The following ZNF723 variants were observed in gnomAD, a reference collection of about 807,000 sequenced individuals.
ZNF723 encodes zinc finger protein 723.
A neutral mutation model predicts 9.4 loss-of-function variants in ZNF723; 5 were observed. That is an observed-to-expected ratio of 0.53 (90% CI 0.28 to 1.12). The LOEUF (loss-of-function observed/expected upper bound fraction) is 1.12. ZNF723 is among the 50% of genes most tolerant of loss of function. The pLI, the probability that ZNF723 is intolerant of heterozygous loss-of-function variation, is 0.10. For synonymous variants in ZNF723, 158 were observed against 168.8 expected (o/e 0.94, Z 0.49); for missense variants, 450 against 501.5 (o/e 0.90, Z 0.98).
chr19:22,833,901 C>T lies in ZNF723; in HGVS notation c.3+1519C>T, dbSNP rs1967129918. ...GATTACAGGCGTGAGACACCGCGCC[C>T]GGCCGCTATTTGTTTTTTAGCGTAC... On this transcript the variant is annotated intron_variant, in intron 1 of 3. Coordinates refer to ENST00000600766, the MANE Select transcript of ZNF723 (RefSeq NM_001349726.2). 3.3e-5 allele frequency among the ~76,000 whole-genome samples: 5 copies of T among 150,390 alleles called. No individual in the cohort carries two copies. In the South Asian group the frequency reaches 1.1e-3, roughly 32 times the overall value.
intron 1 of ZNF723, among the ~76,000 whole-genome samples, chr19:22,835,109 A>G (rs1466016811): frequency 7.0e-6 from 1 of 143,174 alleles, no homozygotes; most frequent in Non-Finnish European, 1.5e-5. Context: ...CTTGTCACCC[A>G]GGCTTACTGT....
chr19:22,833,106 G>A (rs1156249142), intron 1 of ZNF723, among the ~76,000 whole-genome samples: 4 of 151,972 alleles, frequency 2.6e-5, no homozygotes, highest in African/African-American at 9.7e-5. Flanking sequence ...TAGGAATCCA[G>A]AGAGTAGATT....
Position 22,858,328 on chromosome 19 carries a change from GC to G in ZNF723, c.1439del (p.Pro480LeufsTer22), listed in dbSNP as rs1967514580. ...KHKIIHAREKPYKCEECGKAF... is the reference protein window; with the variant it reads ...KHKIIHAREKXYKCEECGKAF... Reference sequence around the variant, plus strand: ...ATAAGATAATTCATGCTAGAGAGAAGCCTTACAAATGTGAAGAATGTGGCAA... The same window carrying G: ...ATAAGATAATTCATGCTAGAGAGAAGCTTACAAATGTGAAGAATGTGGCAA... On this transcript the variant is annotated frameshift_variant, in exon 4 of 4. Transcript: ENST00000600766. LOFTEE classifies it low-confidence loss of function (END_TRUNC). 2 of 1,046,800 alleles carry G rather than the reference GC, an allele frequency of 1.9e-6. No individual in the cohort carries two copies. The highest frequency in any genetic ancestry group is 1.9e-5 in the Admixed American group (1 of 51,562). The allele number at this position is 1,046,800 out of a possible 1,614,324, so 64.8% of individuals were successfully genotyped here.
At chr19:22,824,139 C>A in the ZNF723 span, among the ~76,000 whole-genome samples, 1 of 152,124 alleles carries the variant, frequency 6.6e-6, no homozygotes, top group Non-Finnish European at 1.5e-5. Flanking sequence ...CCCTGCTAAC[C>A]GTGGGAATTA....
the ZNF723 span, among the ~76,000 whole-genome samples, chr19:22,815,381 C>T: frequency 3.9e-5 from 6 of 152,248 alleles, no homozygotes; most frequent in Non-Finnish European, 8.8e-5. Flanking sequence ...TCTGTCCTGC[C>T]AAGGCTGTGC....
At chr19:22,856,394 T>G (rs1305648627) in intron 3 of ZNF723, among the ~76,000 whole-genome samples, 1 of 152,248 alleles carries the variant, frequency 6.6e-6, no homozygotes, top group Non-Finnish European at 1.5e-5. Context: ...TCGTTGAGTA[T>G]TATTCAATTT....
At chr19:22,835,168 G>A (rs966709931) in intron 1 of ZNF723, among the ~76,000 whole-genome samples, 1 of 150,696 alleles carries the variant, frequency 6.6e-6, no homozygotes, top group East Asian at 2.0e-4. Context: ...AGCCTCCGGA[G>A]TAGCTGGGAT....
chr19:22,852,020 C>G (rs1035290662), intron 3 of ZNF723, among the ~76,000 whole-genome samples: 2 of 152,066 alleles, frequency 1.3e-5, no homozygotes, highest in Admixed American at 6.5e-5. Flanking sequence ...AACTCCCAAC[C>G]TCAGGTGATC....
chr19:22,848,471 G>A, intron 2 of ZNF723, 84 bp downstream of exon 2: 3 of 1,057,406 alleles, frequency 2.8e-6, no homozygotes, highest in Non-Finnish European at 4.1e-6. Flanking sequence ...GGTAATTGAT[G>A]CTTTGCATAA....
chr19:22,858,019 A>G lies in ZNF723; in HGVS notation c.1128A>G (p.Lys376=). ...EKPYKCEECG[K]AFKVSVHLTT... is the part of the protein sequence containing the mutation. The stretch of plus-strand genomic sequence containing the variant: ...CCTACAAATGTGAAGAATGTGGCAA[A>G]GCTTTTAAAGTATCTGTACACCTTA... Residue 376 remains lysine (K), a synonymous_variant, in exon 4 of 4, where the codon AAA becomes AAG. Coordinates refer to ENST00000600766, the MANE Select transcript of ZNF723 (RefSeq NM_001349726.2). 6.5e-7 allele frequency: 1 copy of G among 1,540,506 alleles called. No individual in the cohort carries two copies. The highest frequency in any genetic ancestry group is 9.0e-7 in the Non-Finnish European group (1 of 1,114,278).
chr19:22,827,948 C>T (rs413776), upstream of ZNF723, among the ~76,000 whole-genome samples: 29,868 of 151,860 alleles, frequency 0.2, 3,538 homozygotes, highest in African/African-American at 0.33. Context: ...GGTGTGGTGG[C>T]ACATGCCTGT....
intron 3 of ZNF723, among the ~76,000 whole-genome samples, chr19:22,853,528 T>A (rs970669432): frequency 6.6e-6 from 1 of 152,204 alleles, no homozygotes; most frequent in Admixed American, 6.5e-5. Context: ...TTTTATACCC[T>A]CATTCCATTT....
At chr19:22,825,547 C>T in the ZNF723 span, among the ~76,000 whole-genome samples, 14 of 152,338 alleles carry the variant, frequency 9.2e-5, no homozygotes, top group African/African-American at 3.4e-4. Flanking sequence ...GGGTGCTGCC[C>T]TCAAAGGAGA....
chr19:22,812,954 T>TTTTG, the ZNF723 span, among the ~76,000 whole-genome samples: 37,158 of 151,192 alleles, frequency 0.25, 4,813 homozygotes, highest in African/African-American at 0.36. Flanking sequence ...AAGGTGTTTT[T>TTTTG]TTTGTTTGTT....
At chr19:22,853,838 T>C (rs1967431350) in intron 3 of ZNF723, among the ~76,000 whole-genome samples, 1 of 152,120 alleles carries the variant, frequency 6.6e-6, no homozygotes, top group African/African-American at 2.4e-5. Context: ...GGTCTCGAGC[T>C]CCTAACCTCA....
chr19:22,829,992 CA>C (rs1382462595), upstream of ZNF723, among the ~76,000 whole-genome samples: 1 of 152,082 alleles, frequency 6.6e-6, no homozygotes, highest in Non-Finnish European at 1.5e-5. Context: ...ATCTGATTTG[CA>C]AATCATTTTT....
intron 1 of ZNF723, among the ~76,000 whole-genome samples, chr19:22,841,457 T>C (rs1443483978): frequency 6.6e-6 from 1 of 152,188 alleles, no homozygotes; most frequent in African/African-American, 2.4e-5. Flanking sequence ...ATAAAACAGT[T>C]TTCTTTCTGT....
At chr19:22,853,583 G>A (rs562059133) in intron 3 of ZNF723, among the ~76,000 whole-genome samples, 1 of 152,064 alleles carries the variant, frequency 6.6e-6, no homozygotes, top group African/African-American at 2.4e-5. Flanking sequence ...TATGAAATTT[G>A]TTAAGACTTT....
chr19:22,858,154 A>G lies in ZNF723; in HGVS notation c.1263A>G (p.Gly421=), dbSNP rs1967509961. 1.4e-6 allele frequency: 2 copies of G among 1,418,818 alleles called. No individual in the cohort carries two copies. Among genetic ancestry groups the G allele is most frequent in the Non-Finnish European group, 2.0e-6 (2 of 1,003,850 alleles). The allele number at this position is 1,418,818 out of a possible 1,614,324, so 87.9% of individuals were successfully genotyped here. A position where few individuals can be genotyped will look rare whatever the true frequency, so the allele number is the denominator to read the frequency against. ...ALTTHKIIHT[G]ERPYKCKQCG... The stretch of plus-strand genomic sequence containing the variant: ...CTACACATAAGATAATTCATACTGG[A>G]GAAAGACCTTACAAATGTAAACAAT... The change falls in exon 4 of 4, where the codon GGA becomes GGG. Residue 421 remains glycine, a synonymous_variant. Coordinates refer to ENST00000600766, the MANE Select transcript of ZNF723 (RefSeq NM_001349726.2).
Sources: allele counts gnomAD v4.1 joint callset (sites outside exome capture counted in the v4.1 genomes callset), GRCh38; gene constraint gnomAD v4.1.1; transcripts MANE v1.5; gene names NCBI Gene and HGNC (gene_info 2026-07-23, HGNC 2026-07-21).